The following TRPM3 variants were observed in gnomAD, a reference collection of about 807,000 sequenced individuals.
TRPM3 encodes the protein long transient receptor potential channel 3.
A neutral mutation model predicts 181.2 loss-of-function variants in TRPM3; 77 were observed. The observed-to-expected ratio is 0.42, with a 90% CI of 0.35 to 0.51. TRPM3 has a LOEUF of 0.51. Ranked by LOEUF, TRPM3 falls within the 20% of genes least tolerant of loss-of-function variation. The pLI is 0.01. For synonymous variants in TRPM3, 745 were observed against 796.4 expected (o/e 0.94, Z 1.09); for missense variants, 1,759 against 2,196.7 (o/e 0.80, Z 3.98).
chr9:71,416,543 T>G (rs2131496887), intron 1 of TRPM3, among the ~76,000 whole-genome samples: 1 of 152,020 alleles, frequency 6.6e-6, no homozygotes, highest in Middle Eastern at 3.4e-3. Context: ...TCATTGTTGA[T>G]GAAAAGGAAT....
chr9:71,296,848 C>T (rs749591648), intron 1 of TRPM3, among the ~76,000 whole-genome samples: 3 of 152,028 alleles, frequency 2.0e-5, no homozygotes, highest in Admixed American at 6.6e-5. Context: ...AAAGAACTTA[C>T]TAATTGAGCT....
In TRPM3 at chr9:71,287,696, C is replaced by T. The variant is rs150500930; in HGVS notation, c.183+158957G>A. Among the ~76,000 whole-genome samples the T allele has an allele frequency of 2.1e-4, 31 of 150,922 alleles. 1 individual carries two copies. The East Asian group carries it at 5.8e-3, about 28-fold the overall frequency. On this transcript the variant is annotated intron_variant, in intron 1 of 24. Coordinates refer to the TRPM3 transcript ENST00000357533. ...AATACAATTGATATACAGCCATGCA[C>T]TGTATATATCAATTGAATAAGATAT...
chr9:70,814,290 C>T (rs562521037), intron 6 of TRPM3, among the ~76,000 whole-genome samples: 6 of 152,122 alleles, frequency 3.9e-5, no homozygotes, highest in Non-Finnish European at 5.9e-5. Context: ...TGCACCATAA[C>T]GGGTTGTAGG....
intron 6 of TRPM3, among the ~76,000 whole-genome samples, chr9:70,787,545 A>T (rs1161534504): frequency 9.4e-6 from 1 of 106,094 alleles, no homozygotes; most frequent in African/African-American, 3.8e-5. Flanking sequence ...CTGTCAGGTC[A>T]CACACACACT....
At chr9:71,242,731 A>G (rs1005594940) in intron 1 of TRPM3, among the ~76,000 whole-genome samples, 3 of 151,914 alleles carry the variant, frequency 2.0e-5, no homozygotes, top group African/African-American at 7.3e-5. Flanking sequence ...TCCTACTTTT[A>G]TTCTTGGCCT....
chr9:71,444,763 T>C (rs1454139673), intron 1 of TRPM3, among the ~76,000 whole-genome samples: 2 of 152,248 alleles, frequency 1.3e-5, no homozygotes, highest in East Asian at 1.9e-4. Flanking sequence ...TTAACAACTA[T>C]AGAATCAAAC....
At chr9:71,140,281 CA>C (rs36094880) in intron 1 of TRPM3, among the ~76,000 whole-genome samples, 14 of 152,016 alleles carry the variant, frequency 9.2e-5, no homozygotes, top group Admixed American at 9.2e-4. Context: ...GACTGAAAGA[CA>C]AAAAAAGTTC....
chr9:71,123,558 C>G (rs915271227), upstream of TRPM3, among the ~76,000 whole-genome samples: 2 of 152,202 alleles, frequency 1.3e-5, no homozygotes, highest in Non-Finnish European at 2.9e-5. Context: ...TGATTCTGAG[C>G]TGGAAGCCCA....
chr9:70,669,996 C>G (rs953664586), intron 9 of TRPM3, among the ~76,000 whole-genome samples: 2 of 152,150 alleles, frequency 1.3e-5, no homozygotes, highest in East Asian at 1.9e-4. Context: ...TTTGGCCTCC[C>G]AAAGTGCTAA....
At chr9:71,395,647 A>C (rs1204496634) in intron 1 of TRPM3, among the ~76,000 whole-genome samples, 2 of 152,372 alleles carry the variant, frequency 1.3e-5, no homozygotes, top group Non-Finnish European at 2.9e-5. Context: ...AAATTAATTA[A>C]GCTTGTTTCA....
chr9:70,776,419 C>G, intron 7 of TRPM3: 1 of 712,818 alleles, frequency 1.4e-6, no homozygotes, highest in East Asian at 2.7e-5. Flanking sequence ...AGCACCATTT[C>G]ACTTCTAAAT....
chr9:70,822,759 TTGTG>T (rs113090222), intron 6 of TRPM3, among the ~76,000 whole-genome samples: 92,158 of 146,986 alleles, frequency 0.63, 30,768 homozygotes, highest in South Asian at 0.84. Context: ...AAGATTTGTC[TTGTG>T]TGTGTGTGTG....
intron 1 of TRPM3, among the ~76,000 whole-genome samples, chr9:71,104,873 T>C (rs1350535937): frequency 6.6e-6 from 1 of 152,220 alleles, no homozygotes; most frequent in East Asian, 1.9e-4. Context: ...GAAACGCTTA[T>C]ATTGTATGTT....
chr9:70,651,112 CA>C (rs2133786631), intron 9 of TRPM3, among the ~76,000 whole-genome samples: 1 of 152,038 alleles, frequency 6.6e-6, no homozygotes, highest in East Asian at 1.9e-4. Context: ...ACAAAGAGAC[CA>C]ACGTTCGGGT....
chr9:71,099,911 C>A (rs79296072), intron 1 of TRPM3, among the ~76,000 whole-genome samples: 2 of 152,008 alleles, frequency 1.3e-5, no homozygotes, highest in African/African-American at 2.4e-5. Flanking sequence ...TGCAGTGTAA[C>A]CCCAATGACT....
intron 1 of TRPM3, among the ~76,000 whole-genome samples, chr9:71,022,801 G>A (rs971713578): frequency 1.3e-5 from 2 of 152,012 alleles, no homozygotes; most frequent in African/African-American, 2.4e-5. Context: ...ATACCTGTAC[G>A]TTCTGCACAT....
intron 1 of TRPM3, among the ~76,000 whole-genome samples, chr9:71,249,074 G>A (rs1277018952): frequency 6.6e-6 from 1 of 152,156 alleles, no homozygotes; most frequent in Non-Finnish European, 1.5e-5. Context: ...GAAAAAATTT[G>A]CTCATTTCAT....
intron 1 of TRPM3, among the ~76,000 whole-genome samples, chr9:71,249,018 A>G (rs2082191946): frequency 6.6e-6 from 1 of 152,218 alleles, no homozygotes; most frequent in Non-Finnish European, 1.5e-5. Context: ...GGCAATGAAA[A>G]AAGTGTTTCA....
At chr9:70,943,865 C>T (rs1197395871) in intron 1 of TRPM3, among the ~76,000 whole-genome samples, 3 of 152,102 alleles carry the variant, frequency 2.0e-5, no homozygotes, top group African/African-American at 4.8e-5. Context: ...CTGCAATCTC[C>T]GTCTCCCAGG....
Sources: allele counts gnomAD v4.1 joint callset (sites outside exome capture counted in the v4.1 genomes callset), GRCh38; gene constraint gnomAD v4.1.1; transcripts MANE v1.5; gene names NCBI Gene and HGNC (gene_info 2026-07-23, HGNC 2026-07-21).